The following COL4A6 variants were observed in gnomAD, a reference collection of about 807,000 sequenced individuals.
COL4A6 encodes the protein collagen alpha-6(IV) chain.
In COL4A6, 59 loss-of-function variants were observed where a neutral mutation model predicts 126.7. The observed-to-expected ratio is 0.47, with a 90% CI of 0.38 to 0.58. The LOEUF is 0.58. COL4A6 is among the 20% of genes least tolerant of loss of function. The pLI is 0.00. For missense variants in COL4A6, 1,285 were observed against 1,337.3 expected (o/e 0.96, Z 0.61); for synonymous variants, 547 against 496.6 (o/e 1.10, Z -1.35).
intron 3 of COL4A6, among the ~76,000 whole-genome samples, chrX:108,309,160 T>G (rs1411387229): frequency 9.0e-6 from 1 of 110,969 alleles, no homozygotes; most frequent in Non-Finnish European, 1.9e-5. Flanking sequence ...CCAAGAGAGA[T>G]TTTTGCTTTG....
intron 3 of COL4A6, among the ~76,000 whole-genome samples, chrX:108,303,535 T>C (rs2038549917): frequency 8.9e-6 from 1 of 111,883 alleles, no homozygotes; most frequent in African/African-American, 3.2e-5. Flanking sequence ...CACACAGATA[T>C]GCAGAGTGAG....
At chrX:108,275,697 T>C (rs756608634) in intron 3 of COL4A6, among the ~76,000 whole-genome samples, 2 of 112,771 alleles carry the variant, frequency 1.8e-5, no homozygotes, top group African/African-American at 6.4e-5. Flanking sequence ...GATAAAGCAA[T>C]TGAAAGAAGA....
At chrX:108,278,461 A>G (rs1161748206) in intron 3 of COL4A6, among the ~76,000 whole-genome samples, 2 of 111,213 alleles carry the variant, frequency 1.8e-5, no homozygotes, top group Admixed American at 9.6e-5. Context: ...AAAAAGAAAC[A>G]AACAAAGCCT....
chrX:108,398,337 C>T (rs2041009181), intron 2 of COL4A6, among the ~76,000 whole-genome samples: 1 of 111,420 alleles, frequency 9.0e-6, no homozygotes, highest in Non-Finnish European at 1.9e-5. Flanking sequence ...AAAGGTTGTC[C>T]ATGGTTCTGT....
At chrX:108,417,924 G>A (rs2041464844) in intron 2 of COL4A6, among the ~76,000 whole-genome samples, 1 of 112,177 alleles carries the variant, frequency 8.9e-6, no homozygotes, top group Non-Finnish European at 1.9e-5. Context: ...TTATGGAAAT[G>A]TGTTTTGGTG....
rs750490238 is a variant in COL4A6, at chrX:108,165,373, G to T, written c.3805C>A (p.Arg1269=). 5 of 1,204,455 alleles carry T rather than the reference G, an allele frequency of 4.2e-6. No homozygotes were observed. The highest frequency in any genetic ancestry group is 1.7e-5 in the African/African-American group (1 of 57,592). The change falls in exon 38 of 45, where the codon CGA becomes AGA. Residue 1269 remains arginine (R), a synonymous_variant. Coordinates refer to ENST00000334504, the MANE Select transcript of COL4A6 (RefSeq NM_033641.4). ...DPGRPGLDGE[R]GRPGPAGPPG... The stretch of plus-strand genomic sequence containing the variant: ...CTTTTGGGCTTCCTGTCTTTACCTC[G>T]TTCTCCATCTAGGCCTGGTCGCCCG...
chrX:108,244,486 G>C (rs1484585097), intron 3 of COL4A6, among the ~76,000 whole-genome samples: 1 of 111,476 alleles, frequency 9.0e-6, no homozygotes, highest in Non-Finnish European at 1.9e-5. Flanking sequence ...AGGGCACCTA[G>C]AAACACACAC....
At chrX:108,330,864 A>C (rs971581888) in intron 2 of COL4A6, among the ~76,000 whole-genome samples, 2 of 111,475 alleles carry the variant, frequency 1.8e-5, no homozygotes, top group African/African-American at 6.5e-5. Flanking sequence ...AGATTCAATA[A>C]ATGTTTATTG....
At chrX:108,207,472 G>A (rs930538542) in intron 8 of COL4A6, among the ~76,000 whole-genome samples, 1 of 111,346 alleles carries the variant, frequency 9.0e-6, no homozygotes. Context: ...TCCTGTGCAT[G>A]TACCCCAGAA....
intron 3 of COL4A6, among the ~76,000 whole-genome samples, chrX:108,277,493 G>A (rs1488827081): frequency 1.8e-5 from 2 of 112,483 alleles, no homozygotes; most frequent in African/African-American, 3.2e-5. Flanking sequence ...CCTGAAGCTC[G>A]AACTGGGTGG....
Position 108,180,613 on chromosome X carries a change from C to G in COL4A6, c.2033G>C (p.Gly678Ala). Residue 678 changes from glycine (G) to alanine (A), a missense_variant, in exon 25 of 45, where the codon GGG (glycine) becomes GCG (alanine). Gly to Ala is a moderately conservative substitution (Grantham distance 60). Coordinates refer to ENST00000334504, the MANE Select transcript of COL4A6 (RefSeq NM_033641.4). ...TGGGGTCCCAGGGAGGCCTCGAGAC[C>G]CTTTAGGGCCTGAAAACCCAAATGT... ...PGTPGFPGPK[G>A]SRGLPGTPGQ... The G allele has an allele frequency of 8.5e-7, 1 of 1,182,465 alleles. No individual in the cohort carries two copies. The highest frequency in any genetic ancestry group is 1.9e-5 in the South Asian group (1 of 52,322).
chrX:108,274,612 T>C (rs1372453039), intron 3 of COL4A6, among the ~76,000 whole-genome samples: 8 of 111,684 alleles, frequency 7.2e-5, no homozygotes, highest in Non-Finnish European at 1.5e-4. Context: ...ATACAGAAAA[T>C]AAGAAAATAT....
At chrX:108,258,621 G>C (rs1469731544) in intron 3 of COL4A6, among the ~76,000 whole-genome samples, 1 of 111,988 alleles carries the variant, frequency 8.9e-6, no homozygotes, top group Non-Finnish European at 1.9e-5. Flanking sequence ...TCTTCAGTGG[G>C]AATGTTCAGC....
At chrX:108,374,791 G>C (rs1172540546) in intron 2 of COL4A6, among the ~76,000 whole-genome samples, 1 of 111,923 alleles carries the variant, frequency 8.9e-6, no homozygotes, top group Non-Finnish European at 1.9e-5. Context: ...CTTCACACTT[G>C]CTTTAAGGGT....
At position 108,159,507 on chromosome X, in the gene COL4A6, G is replaced by A; in HGVS notation, c.4767C>T (p.Cys1589=). ...VHSQDITIPQ[C]PLGWRSLWIG... ...TCCAGAGGCTGCGCCAGCCCAGGGGGCACTGCGGGATGGTGATGTCCTGGC... is the reference window on the plus strand; with the variant it reads ...TCCAGAGGCTGCGCCAGCCCAGGGGACACTGCGGGATGGTGATGTCCTGGC... The change falls in exon 44 of 45, where the codon TGC becomes TGT. Residue 1589 remains cysteine (C), a synonymous_variant. Transcript: ENST00000334504. 1 of 1,212,260 alleles carries A rather than the reference G, an allele frequency of 8.2e-7. No individual in the cohort carries two copies. The highest frequency in any genetic ancestry group is 1.1e-6 in the Non-Finnish European group (1 of 895,623).
At chrX:108,340,481 G>C (rs1188384491) in intron 2 of COL4A6, among the ~76,000 whole-genome samples, 2 of 110,615 alleles carry the variant, frequency 1.8e-5, no homozygotes, top group Non-Finnish European at 3.8e-5. Context: ...TTTCCAAAAT[G>C]GTTGTCTCTG....
intron 25 of COL4A6, among the ~76,000 whole-genome samples, chrX:108,180,123 T>C (rs1356144907): frequency 1.8e-5 from 2 of 110,688 alleles, no homozygotes; most frequent in East Asian, 5.7e-4. Flanking sequence ...CTCTGACTGA[T>C]CTCAATCTCT....
intron 2 of COL4A6, among the ~76,000 whole-genome samples, chrX:108,348,751 G>A (rs1196167360): frequency 1.8e-5 from 2 of 111,731 alleles, no homozygotes; most frequent in Non-Finnish European, 3.8e-5. Context: ...CCTTGGCAAA[G>A]GCTCAATCCC....
chrX:108,360,952 G>A (rs1009165385), intron 2 of COL4A6, among the ~76,000 whole-genome samples: 3 of 110,826 alleles, frequency 2.7e-5, no homozygotes, highest in African/African-American at 9.9e-5. Flanking sequence ...AAATTAGCGT[G>A]GGGCAGATCA....
Sources: gnomAD v4.1 joint callset for allele counts (sites outside exome capture counted in the v4.1 genomes callset) on GRCh38, gnomAD v4.1.1 for gene constraint, MANE v1.5 for transcripts, NCBI Gene and HGNC (gene_info 2026-07-23, HGNC 2026-07-21) for gene names.